The following TRAPPC9 variants were observed in gnomAD, a reference collection of about 807,000 sequenced individuals.
TRAPPC9 encodes trafficking protein particle complex subunit 9.
TRAPPC9 carries 83 observed loss-of-function variants against 124.0 expected under a neutral mutation model. The ratio of observed to expected loss-of-function variants is 0.67; its 90% CI spans 0.56 to 0.80. The LOEUF is 0.80. Among genes scored for constraint, TRAPPC9 ranks in the 30% least tolerant of loss-of-function variants. TRAPPC9 has a pLI of 0.00. For synonymous variants in TRAPPC9, 638 were observed against 617.5 expected, an observed-to-expected ratio of 1.03 and a Z score of -0.49; for missense variants, 1,302 against 1,508.3, an observed-to-expected ratio of 0.86 and a Z score of 2.27.
intron 5 of TRAPPC9, among the ~76,000 whole-genome samples, chr8:140,418,021 T>C (rs2070002894): frequency 2.6e-5 from 4 of 151,970 alleles, no homozygotes. Context: ...TGGTAACACA[T>C]GGACACAGGG....
At chr8:139,857,450 A>G (rs191714058) in intron 21 of TRAPPC9, among the ~76,000 whole-genome samples, 1 of 152,310 alleles carries the variant, frequency 6.6e-6, no homozygotes, top group Non-Finnish European at 1.5e-5. Context: ...TCCACTTGAC[A>G]GCTGGGGAAG....
chr8:140,236,228 G>T (rs28755866), intron 16 of TRAPPC9, among the ~76,000 whole-genome samples: 1 of 151,544 alleles, frequency 6.6e-6, no homozygotes, highest in African/African-American at 2.4e-5. Flanking sequence ...GATTATAAGC[G>T]TGTGCCACCA....
At chr8:139,915,804 G>A (rs1041990522) in intron 19 of TRAPPC9, among the ~76,000 whole-genome samples, 1 of 152,180 alleles carries the variant, frequency 6.6e-6, no homozygotes, top group Non-Finnish European at 1.5e-5. Flanking sequence ...GCTCTGTGAG[G>A]GAAGGGCTGT....
chr8:140,270,637 AGGCTTAGGCAGGCTTTCCAGAAAG>A (rs2064848287), intron 15 of TRAPPC9, among the ~76,000 whole-genome samples: 1 of 152,198 alleles, frequency 6.6e-6, no homozygotes, highest in Non-Finnish European at 1.5e-5. Flanking sequence ...CCAGGAGCCC[AGGCTTAGGCAGGCTTTCCAGAAAG>A]GGCAGCCAAG....
At position 140,217,985 on chromosome 8, in the gene TRAPPC9, C is replaced by T. The variant is rs190236649; in HGVS notation, c.2556+3474G>A. Among the ~76,000 whole-genome samples, 19 of 151,650 alleles carry T rather than the reference C, an allele frequency of 1.3e-4. No homozygotes were observed. In the East Asian group the frequency reaches 3.5e-3, roughly 28 times the overall value. ...TGAGCCGAGATCGCGCCACTGCACT[C>T]CAGCCTGGGCAAGAGAGCAATACTC... On this transcript the variant is annotated intron_variant, in intron 17 of 22. Transcript: ENST00000438773.
chr8:140,103,788 A>T (rs1418349835), intron 17 of TRAPPC9, among the ~76,000 whole-genome samples: 1 of 152,200 alleles, frequency 6.6e-6, no homozygotes, highest in African/African-American at 2.4e-5. Flanking sequence ...AGATGAAGGT[A>T]CTAAGAGGTT....
chr8:140,328,842 C>T (rs2066813439), intron 9 of TRAPPC9, among the ~76,000 whole-genome samples: 1 of 152,068 alleles, frequency 6.6e-6, no homozygotes, highest in Non-Finnish European at 1.5e-5. Context: ...GGATTTGATG[C>T]TCGATTGGAC....
chr8:140,132,527 A>G (rs529444785), intron 17 of TRAPPC9, among the ~76,000 whole-genome samples: 16 of 152,176 alleles, frequency 1.1e-4, no homozygotes, highest in African/African-American at 3.9e-4. Flanking sequence ...CTGCAGCTTC[A>G]CTCCATCAAG....
intron 21 of TRAPPC9, among the ~76,000 whole-genome samples, chr8:139,770,091 G>C (rs929882381): frequency 3.3e-5 from 5 of 152,248 alleles, no homozygotes; most frequent in African/African-American, 1.2e-4. Context: ...GCAGACACCA[G>C]CGAAAGCCCA....
chr8:139,869,329 T>C (rs549336382), intron 21 of TRAPPC9, among the ~76,000 whole-genome samples: 5 of 152,028 alleles, frequency 3.3e-5, no homozygotes, highest in Non-Finnish European at 2.9e-5. Flanking sequence ...GCAAAAAACA[T>C]GAAAGGAGAC....
chr8:139,761,309 C>T (rs1219809818), intron 21 of TRAPPC9, among the ~76,000 whole-genome samples: 1 of 152,180 alleles, frequency 6.6e-6, no homozygotes, highest in Non-Finnish European at 1.5e-5. Flanking sequence ...ACCCACCTGC[C>T]ACATTAGATC....
rs768230758 is a variant in TRAPPC9, at chr8:139,731,195, C to T, written c.3313G>A (p.Ala1105Thr). 4 of 1,613,712 alleles carry T rather than the reference C, an allele frequency of 2.5e-6. No homozygotes were observed. Among genetic ancestry groups the T allele is most frequent in the Admixed American group, 1.7e-5 (1 of 60,024 alleles). ...QPSGQSACLG[A>T]LLFLYTGDFF... ...TCTCCCGTGTAGAGGAAGAGGAGGG[C>T]CCCGAGGCAGGCCGACTGGCCGGAC... The change falls in exon 23 of 23, where the codon GCC (alanine) becomes ACC (threonine). Residue 1105 changes from alanine to threonine, a missense_variant. Ala to Thr is a moderately conservative substitution (Grantham distance 58, BLOSUM62 0). This residue lies in a region of TRAPPC9 where 640 missense variants were observed against 679.3 expected (regional missense o/e 0.94). Transcript: ENST00000438773.
At chr8:140,108,669 T>C (rs1587723600) in intron 17 of TRAPPC9, among the ~76,000 whole-genome samples, 1 of 152,184 alleles carries the variant, frequency 6.6e-6, no homozygotes, top group African/African-American at 2.4e-5. Flanking sequence ...ATCTTTCTGA[T>C]GGTGTTTTTT....
intron 21 of TRAPPC9, among the ~76,000 whole-genome samples, chr8:139,804,108 AC>A (rs1284906948): frequency 6.9e-6 from 1 of 144,014 alleles, no homozygotes; most frequent in Non-Finnish European, 1.5e-5. Flanking sequence ...ACTCACCACC[AC>A]CACCAAACAC....
At chr8:140,428,170 G>A (rs190919814) in intron 4 of TRAPPC9, among the ~76,000 whole-genome samples, 1 of 152,274 alleles carries the variant, frequency 6.6e-6, no homozygotes, top group Non-Finnish European at 1.5e-5. Context: ...ATGTCCTTTA[G>A]GTAGGGGATA....
At chr8:140,305,637 A>G (rs565689821) in intron 10 of TRAPPC9, among the ~76,000 whole-genome samples, 32 of 152,186 alleles carry the variant, frequency 2.1e-4, no homozygotes, top group Non-Finnish European at 4.1e-4. Context: ...AGCTACATAT[A>G]TGCATTTCTT....
intron 17 of TRAPPC9, among the ~76,000 whole-genome samples, chr8:140,131,146 AT>A (rs1213643160): frequency 5.3e-5 from 8 of 152,184 alleles, no homozygotes; most frequent in Non-Finnish European, 1.0e-4. Context: ...TCAAATTTAG[AT>A]TGTTTCCAAT....
At chr8:140,162,623 C>G (rs920072203) in intron 17 of TRAPPC9, among the ~76,000 whole-genome samples, 5 of 152,206 alleles carry the variant, frequency 3.3e-5, no homozygotes, top group Non-Finnish European at 7.3e-5. Flanking sequence ...GCATGAAGCT[C>G]TGTGAGGTGG....
At chr8:140,306,997 T>C (rs2066155532) in intron 10 of TRAPPC9, among the ~76,000 whole-genome samples, 1 of 152,126 alleles carries the variant, frequency 6.6e-6, no homozygotes, top group African/African-American at 2.4e-5. Flanking sequence ...TGCCCAGCTA[T>C]TCGTAGGTTT....
Sources: allele counts gnomAD v4.1 joint callset (sites outside exome capture counted in the v4.1 genomes callset), GRCh38; gene constraint gnomAD v4.1.1; regional missense constraint gnomAD v4.1.1; transcripts MANE v1.5; gene names NCBI Gene and HGNC (gene_info 2026-07-23, HGNC 2026-07-21).